The following RUNDC3B variants were observed in gnomAD, a reference collection of about 807,000 sequenced individuals.
RUNDC3B encodes the protein RUN domain-containing protein 3B.
Under a neutral mutation model 58.4 loss-of-function variants are expected in RUNDC3B, and 33 were observed. That is an observed-to-expected ratio of 0.56 (90% confidence interval 0.43 to 0.75). The LOEUF (loss-of-function observed/expected upper bound fraction) is 0.75, where lower values mean the gene tolerates loss of function less well. RUNDC3B is among the 30% of genes least tolerant of loss of function. The pLI is 0.00. For missense variants in RUNDC3B, 501 were observed against 535.7 expected (o/e 0.94, Z 0.64); for synonymous variants, 193 against 195.2 (o/e 0.99, Z 0.10).
rs1422185633 is a variant in RUNDC3B, at chr7:87,830,495, T to A, written c.*465T>A. On this transcript the variant is annotated 3_prime_UTR_variant, in exon 11 of 11. Transcript: ENST00000394654. ...TTTTTTCATTAATGTCTTCCTAAGT[T>A]CTATGCTTTAAATGCCTTGTTTTTA... is the stretch of plus-strand genomic sequence containing the variant. 6.6e-6 allele frequency: 1 copy of A among 152,264 alleles called. No individual in the cohort carries two copies. Among genetic ancestry groups the A allele is most frequent in the Non-Finnish European group, 1.5e-5 (1 of 67,844 alleles). The allele number at this position is 152,264 out of a possible 1,614,324, so 9.4% of individuals were successfully genotyped here.
chr7:87,693,826 G>T, intron 2 of RUNDC3B: 1 of 1,297,902 alleles, frequency 7.7e-7, no homozygotes, highest in South Asian at 1.3e-5. Context: ...CATCTTAGTT[G>T]GGCTATTCAG....
At chr7:87,672,037 C>T (rs1377088683) in intron 2 of RUNDC3B, among the ~76,000 whole-genome samples, 4 of 152,126 alleles carry the variant, frequency 2.6e-5, no homozygotes. Context: ...GGAGTCTTTT[C>T]TGCCCCTGGT....
At chr7:87,778,169 G>C (rs1426752848) in intron 8 of RUNDC3B, among the ~76,000 whole-genome samples, 1 of 152,148 alleles carries the variant, frequency 6.6e-6, no homozygotes, top group South Asian at 2.1e-4. Flanking sequence ...GAGGCCTGGT[G>C]CAGTGGCTCA....
chr7:87,703,885 C>CTTTTTTTTTTTTT lies in RUNDC3B; in HGVS notation c.372+3346_372+3358dup. On this transcript the variant is annotated intron_variant, in intron 3 of 10. Transcript: ENST00000394654. ...CTTAGGTGAGCTTTATCAGTTTTTTCTTTTTTTTTTTTTTTTTTTTTTTTT... is the reference window on the plus strand; with the variant it reads ...CTTAGGTGAGCTTTATCAGTTTTTTCTTTTTTTTTTTTTTTTTTTTTTTTTTTTTTTTTTTTTT... Among the ~76,000 whole-genome samples the CTTTTTTTTTTTTT allele has an allele frequency of 9.1e-4, 55 of 60,244 alleles. 1 individual carries two copies. Among genetic ancestry groups the CTTTTTTTTTTTTT allele is most frequent in the Non-Finnish European group, 1.1e-3 (34 of 31,574 alleles). 39.5% of individuals were successfully genotyped at this position (60,244 alleles called of 152,430 possible).
intron 10 of RUNDC3B, among the ~76,000 whole-genome samples, chr7:87,827,707 T>C (rs1430654721): frequency 1.3e-5 from 2 of 152,110 alleles, no homozygotes; most frequent in African/African-American, 2.4e-5. Flanking sequence ...ATTCTCAGTA[T>C]AAGACAAATC....
intron 4 of RUNDC3B, among the ~76,000 whole-genome samples, chr7:87,738,774 A>G (rs1323082456): frequency 6.6e-6 from 1 of 151,946 alleles, no homozygotes; most frequent in South Asian, 2.1e-4. Flanking sequence ...TTTTGCAAGT[A>G]TCAAGTAATA....
intron 6 of RUNDC3B, among the ~76,000 whole-genome samples, chr7:87,752,866 T>A (rs1463262540): frequency 6.6e-6 from 1 of 152,020 alleles, no homozygotes; most frequent in African/African-American, 2.4e-5. Flanking sequence ...TTTTTGTGTC[T>A]CTATTTCCTT....
chr7:87,770,082 T>C (rs894971107), intron 6 of RUNDC3B, among the ~76,000 whole-genome samples: 1 of 152,062 alleles, frequency 6.6e-6, no homozygotes, highest in Non-Finnish European at 1.5e-5. Flanking sequence ...CTGGATCTTC[T>C]GAACCTGTTG....
chr7:87,742,636 A>G (rs1275963156), intron 6 of RUNDC3B, among the ~76,000 whole-genome samples: 1 of 151,754 alleles, frequency 6.6e-6, no homozygotes, highest in East Asian at 1.9e-4. Flanking sequence ...TGGTTTTTTT[A>G]ATTGAGAAAA....
intron 4 of RUNDC3B, among the ~76,000 whole-genome samples, chr7:87,730,392 G>A (rs1038651515): frequency 2.0e-5 from 3 of 152,042 alleles, no homozygotes; most frequent in Non-Finnish European, 2.9e-5. Context: ...GGATTCAGTG[G>A]CCCCTTAGTG....
chr7:87,711,386 T>C (rs1276491132), intron 4 of RUNDC3B, among the ~76,000 whole-genome samples: 2 of 151,872 alleles, frequency 1.3e-5, no homozygotes, highest in Non-Finnish European at 2.9e-5. Flanking sequence ...TATAATTAGT[T>C]ATTGCTTATC....
At chr7:87,814,855 C>A (rs1406093207) in intron 9 of RUNDC3B, among the ~76,000 whole-genome samples, 1 of 152,058 alleles carries the variant, frequency 6.6e-6, no homozygotes, top group East Asian at 1.9e-4. Context: ...GTGATTCTGT[C>A]ACCTCATTCT....
intron 1 of RUNDC3B, among the ~76,000 whole-genome samples, chr7:87,635,694 AG>A (rs1441705442): frequency 6.6e-6 from 1 of 152,222 alleles, no homozygotes; most frequent in Non-Finnish European, 1.5e-5. Context: ...TTTTTGTGGT[AG>A]GGCACAATGT....
chr7:87,826,086 A>G (rs1185943034), intron 10 of RUNDC3B, among the ~76,000 whole-genome samples: 1 of 152,128 alleles, frequency 6.6e-6, no homozygotes, highest in Non-Finnish European at 1.5e-5. Context: ...TAGTTTTGAA[A>G]TGTTAGGACA....
intron 6 of RUNDC3B, among the ~76,000 whole-genome samples, chr7:87,758,391 A>G (rs1438747780): frequency 2.0e-5 from 3 of 152,014 alleles, no homozygotes. Flanking sequence ...ACTACCAAAA[A>G]CTGTGGATCA....
intron 6 of RUNDC3B, among the ~76,000 whole-genome samples, chr7:87,760,254 C>G (rs964916806): frequency 6.6e-6 from 1 of 151,876 alleles, no homozygotes; most frequent in Non-Finnish European, 1.5e-5. Context: ...GACTGAGGAA[C>G]TGAATTTTTC....
chr7:87,656,288 T>G (rs1289950772), intron 2 of RUNDC3B, among the ~76,000 whole-genome samples: 3 of 151,938 alleles, frequency 2.0e-5, no homozygotes, highest in Non-Finnish European at 4.4e-5. Context: ...AAGAAAAAAT[T>G]AATACAGTTA....
At chr7:87,769,012 C>CT (rs908150688) in intron 6 of RUNDC3B, among the ~76,000 whole-genome samples, 5 of 151,330 alleles carry the variant, frequency 3.3e-5, no homozygotes, top group African/African-American at 1.2e-4. Flanking sequence ...ACCACCACTC[C>CT]TTTTTTTTGA....
At position 87,721,447 on chromosome 7, in the gene RUNDC3B, A is replaced by G. The variant is rs867762969; in HGVS notation, c.458+10792A>G. ...GTGTGAGAGAACAAAAATAATCAAT[A>G]ATTATGGCAAAGGTACCATAAATAA... is the stretch of plus-strand genomic sequence containing the variant. On this transcript the variant is annotated intron_variant, in intron 4 of 10. Coordinates refer to ENST00000394654, the MANE Select transcript of RUNDC3B (RefSeq NM_001134405.2). Among the ~76,000 whole-genome samples, 3 of 152,086 alleles carry G rather than the reference A, an allele frequency of 2.0e-5. No individual in the cohort carries two copies. The South Asian group carries it at 6.2e-4, about 31-fold the overall frequency.
Sources: allele counts gnomAD v4.1 joint callset (sites outside exome capture counted in the v4.1 genomes callset), GRCh38; gene constraint gnomAD v4.1.1; transcripts MANE v1.5; gene names NCBI Gene and HGNC (gene_info 2026-07-23, HGNC 2026-07-21).